MYO3B: variants seen among roughly 807,000 people sequenced by gnomAD.
MYO3B encodes the protein myosin IIIB.
MYO3B carries 156 observed loss-of-function variants against 174.6 expected under a neutral mutation model. That is an observed-to-expected ratio of 0.89 (90% CI 0.78 to 1.02). The LOEUF (loss-of-function observed/expected upper bound fraction) is 1.02, where lower values mean the gene tolerates loss of function less well. Ranked by LOEUF, MYO3B falls within the 50% of genes least tolerant of loss-of-function variation. MYO3B has a pLI of 0.00. For missense variants in MYO3B, 1,632 were observed against 1,639.4 expected, an observed-to-expected ratio of 1.00 and a Z score of 0.08; for synonymous variants, 563 against 569.1, an observed-to-expected ratio of 0.99 and a Z score of 0.15.
intron 4 of MYO3B, 84 bp from the exon 5 acceptor site, chr2:170,214,645 A>T: frequency 7.3e-7 from 1 of 1,374,948 alleles, no homozygotes; most frequent in Non-Finnish European, 1.0e-6. Flanking sequence ...AGACTTTTCA[A>T]TAGTAGGGTA....
At chr2:170,528,765 A>G (rs2106165023) in intron 30 of MYO3B, among the ~76,000 whole-genome samples, 1 of 152,284 alleles carries the variant, frequency 6.6e-6, no homozygotes, top group Non-Finnish European at 1.5e-5. Flanking sequence ...TGGCATGGGA[A>G]CCAATTTTCA....
intron 32 of MYO3B, among the ~76,000 whole-genome samples, chr2:170,564,951 A>G (rs1330308015): frequency 6.9e-6 from 1 of 144,180 alleles, no homozygotes; most frequent in East Asian, 2.0e-4. Context: ...CCATCCCACT[A>G]AATAGTAAAA....
At chr2:170,495,393 T>C (rs954896172) in intron 25 of MYO3B, among the ~76,000 whole-genome samples, 7 of 152,244 alleles carry the variant, frequency 4.6e-5, no homozygotes, top group African/African-American at 1.4e-4. Context: ...TACATGTTTC[T>C]TCACTATATT....
rs57316868 is a variant in MYO3B, at chr2:170,355,370, C to CA, written c.816-13850dup. On this transcript the variant is annotated intron_variant, in intron 8 of 34. Coordinates refer to ENST00000408978, the MANE Select transcript of MYO3B (RefSeq NM_138995.5). ...GCAGTCAGCCAGAGAAGTGTTTAGT[C>CA]AATTTTAGTCTTTACCAAAAGAACA... Among the ~76,000 whole-genome samples, 463 of 152,270 alleles carry CA rather than the reference C, an allele frequency of 3.0e-3. 3 individuals are homozygous for CA. Among genetic ancestry groups the CA allele is most frequent in the African/African-American group, 0.01 (432 of 41,542 alleles).
intron 14 of MYO3B, among the ~76,000 whole-genome samples, chr2:170,389,366 G>A (rs1174258221): frequency 6.6e-6 from 1 of 152,168 alleles, no homozygotes; most frequent in Non-Finnish European, 1.5e-5. Context: ...TAAGATGGGG[G>A]CTGCTCTGCC....
chr2:170,352,553 A>G (rs774515262), intron 8 of MYO3B, among the ~76,000 whole-genome samples: 9 of 152,170 alleles, frequency 5.9e-5, no homozygotes, highest in Non-Finnish European at 1.0e-4. Flanking sequence ...CCAGTACATA[A>G]GCAGTGGTGT....
chr2:170,386,304 G>A lies in MYO3B; in HGVS notation c.1374+32G>A, dbSNP rs377015998. The stretch of plus-strand genomic sequence containing the variant: ...ACTAATCTGCTTTACGTATTGTGGC[G>A]AGAAGTTCCTACAGAGTAACTGCAT... On this transcript the variant is annotated intron_variant, in intron 13 of 34. Transcript: ENST00000408978. 60 of 1,569,172 alleles carry A rather than the reference G, an allele frequency of 3.8e-5. 1 individual carries two copies. Among genetic ancestry groups the A allele is most frequent in the African/African-American group, 3.5e-4 (26 of 74,142 alleles).
chr2:170,602,769 C>T (rs1694592170), intron 32 of MYO3B, among the ~76,000 whole-genome samples: 1 of 152,134 alleles, frequency 6.6e-6, no homozygotes, highest in Admixed American at 6.5e-5. Flanking sequence ...AAGACAAAAT[C>T]TTTAAGAATG....
chr2:170,563,562 T>A (rs1691878890), intron 32 of MYO3B, among the ~76,000 whole-genome samples: 3 of 152,170 alleles, frequency 2.0e-5, no homozygotes, highest in African/African-American at 7.2e-5. Context: ...GCCAGACTAG[T>A]CTATACAGGT....
At chr2:170,220,041 G>A (rs918924515) in intron 6 of MYO3B, among the ~76,000 whole-genome samples, 29 of 151,802 alleles carry the variant, frequency 1.9e-4, no homozygotes, top group Admixed American at 1.5e-3. Context: ...GGCAGATCAC[G>A]AGGTCAGGAG....
chr2:170,465,831 T>C (rs1452611792), intron 24 of MYO3B, among the ~76,000 whole-genome samples: 1 of 152,162 alleles, frequency 6.6e-6, no homozygotes, highest in Non-Finnish European at 1.5e-5. Context: ...CTTTGGCTTA[T>C]AATAGCTCCT....
At chr2:170,191,155 G>A (rs1377437467) in intron 1 of MYO3B, among the ~76,000 whole-genome samples, 1 of 151,498 alleles carries the variant, frequency 6.6e-6, no homozygotes, top group Non-Finnish European at 1.5e-5. Context: ...TAGGGCCTCA[G>A]GACTCTTCCT....
chr2:170,268,990 G>A (rs1301171265), intron 7 of MYO3B, among the ~76,000 whole-genome samples: 2 of 152,144 alleles, frequency 1.3e-5, no homozygotes, highest in Non-Finnish European at 2.9e-5. Flanking sequence ...AGAAAAGTGC[G>A]TGATAGGTGC....
chr2:170,321,886 C>T (rs921225672), intron 7 of MYO3B, among the ~76,000 whole-genome samples: 6 of 151,970 alleles, frequency 3.9e-5, no homozygotes, highest in African/African-American at 9.7e-5. Flanking sequence ...GAGGCCGAGG[C>T]GGGTGGATTT....
intron 32 of MYO3B, among the ~76,000 whole-genome samples, chr2:170,632,770 A>T (rs181560537): frequency 6.6e-6 from 1 of 152,330 alleles, no homozygotes; most frequent in East Asian, 1.9e-4. Context: ...GAGAAGAATC[A>T]AATAGACATA....
chr2:170,625,255 G>A (rs1416441715), intron 32 of MYO3B, among the ~76,000 whole-genome samples: 6 of 152,252 alleles, frequency 3.9e-5, no homozygotes, highest in East Asian at 3.9e-4. Context: ...CCTGTTATTG[G>A]TCTATTCAGA....
At chr2:170,181,841 A>C (rs917740937) in intron 1 of MYO3B, among the ~76,000 whole-genome samples, 3 of 152,112 alleles carry the variant, frequency 2.0e-5, no homozygotes, top group Non-Finnish European at 4.4e-5. Context: ...CCTCACAAAG[A>C]TTGTTTACGC....
At chr2:170,359,291 T>C (rs1296170371) in intron 8 of MYO3B, among the ~76,000 whole-genome samples, 3 of 152,210 alleles carry the variant, frequency 2.0e-5, no homozygotes, top group Non-Finnish European at 4.4e-5. Flanking sequence ...TCTTCTCTTT[T>C]CTTTCAACAC....
At position 170,547,199 on chromosome 2, in the gene MYO3B, A is replaced by G. The variant is rs906029203; in HGVS notation, c.3733+3211A>G. 1.5e-4 allele frequency among the ~76,000 whole-genome samples: 23 copies of G among 150,622 alleles called. No individual in the cohort carries two copies. The East Asian group carries it at 4.1e-3, about 27-fold the overall frequency. On this transcript the variant is annotated intron_variant, in intron 32 of 34. Transcript: ENST00000408978. ...AAAAAAAATAGCCGGGCATGGTGGC[A>G]GGCACCTGTAATCCCAGCTACTGGG...
Sources: gnomAD v4.1 joint callset for allele counts (sites outside exome capture counted in the v4.1 genomes callset) on GRCh38, gnomAD v4.1.1 for gene constraint, MANE v1.5 for transcripts, NCBI Gene and HGNC (gene_info 2026-07-23, HGNC 2026-07-21) for gene names.